ATP9B: variants seen among roughly 807,000 people sequenced by gnomAD.
ATP9B encodes probable phospholipid-transporting ATPase IIB.
In ATP9B, 110 loss-of-function variants were observed where a neutral mutation model predicts 146.1. The ratio of observed to expected loss-of-function variants is 0.75; its 90% confidence interval spans 0.65 to 0.88. ATP9B has a LOEUF of 0.88. ATP9B is among the 40% of genes least tolerant of loss of function. The pLI is 0.00. For synonymous variants in ATP9B, 604 were observed against 569.7 expected (o/e 1.06, Z -0.86); for missense variants, 1,499 against 1,496.4 (o/e 1.00, Z -0.03).
At chr18:79,165,910 T>TGA (rs2094957830) in intron 7 of ATP9B, among the ~76,000 whole-genome samples, 2 of 152,200 alleles carry the variant, frequency 1.3e-5, no homozygotes, top group African/African-American at 4.8e-5. Flanking sequence ...CCTGGGCTCC[T>TGA]GAGCATTGTA....
intron 6 of ATP9B, among the ~76,000 whole-genome samples, chr18:79,152,665 T>G (rs1314571964): frequency 6.6e-6 from 1 of 152,196 alleles, no homozygotes; most frequent in Non-Finnish European, 1.5e-5. Flanking sequence ...TTTTAGGCAT[T>G]TTATTGTTTT....
intron 11 of ATP9B, among the ~76,000 whole-genome samples, chr18:79,252,216 C>T (rs1239676811): frequency 6.6e-6 from 1 of 152,250 alleles, no homozygotes; most frequent in East Asian, 1.9e-4. Flanking sequence ...GCCACTGTGC[C>T]ATGCGCTCCC....
In ATP9B at chr18:79,099,895, G is replaced by A. The variant is rs568331818; in HGVS notation, c.293+3246G>A. ...TAATCCCAGCACTTTGGGAGGCTGAGGCAGGTGGATCACGAGGTCAAGAGA... is the reference window on the plus strand; with the variant it reads ...TAATCCCAGCACTTTGGGAGGCTGAAGCAGGTGGATCACGAGGTCAAGAGA... On this transcript the variant is annotated intron_variant, in intron 2 of 29. Coordinates refer to ENST00000426216, the MANE Select transcript of ATP9B (RefSeq NM_198531.5). Among the ~76,000 whole-genome samples, 6 of 152,252 alleles carry A rather than the reference G, an allele frequency of 3.9e-5. No individual in the cohort carries two copies. In the East Asian group the frequency reaches 1.2e-3, roughly 30 times the overall value.
At chr18:79,264,016 C>T (rs370744017) in intron 12 of ATP9B, among the ~76,000 whole-genome samples, 1 of 151,950 alleles carries the variant, frequency 6.6e-6, no homozygotes, top group Non-Finnish European at 1.5e-5. Context: ...ACCCGGAAGG[C>T]GGAGGTTGCA....
chr18:79,368,111 C>T (rs2097046424), intron 26 of ATP9B, among the ~76,000 whole-genome samples: 1 of 151,948 alleles, frequency 6.6e-6, no homozygotes, highest in African/African-American at 2.4e-5. Flanking sequence ...GCCGTGGCCC[C>T]GGGTGAGCTG....
At chr18:79,312,519 G>C (rs1473331864) in intron 15 of ATP9B, among the ~76,000 whole-genome samples, 2 of 152,174 alleles carry the variant, frequency 1.3e-5, no homozygotes, top group Non-Finnish European at 2.9e-5. Context: ...GTGTCTTCTG[G>C]GTGGGCATCC....
rs2095873680 is a variant in ATP9B, at chr18:79,239,949, GAT to G, written c.1108-13431_1108-13430del. 6.6e-6 allele frequency among the ~76,000 whole-genome samples: 1 copy of G among 152,202 alleles called. No individual in the cohort carries two copies. Among genetic ancestry groups the G allele is most frequent in the Non-Finnish European group, 1.5e-5 (1 of 68,040 alleles). On this transcript the variant is annotated intron_variant, in intron 11 of 29. Transcript: ENST00000426216. The surrounding 1 kb of genome is among the most constrained non-coding windows in gnomAD (Gnocchi z 5.1). ...GCGTCCCCATCAGCGGTGACCAGCAGATCACCACGCCTCAGGGGCCCCACACC... is the reference window on the plus strand; with the variant it reads ...GCGTCCCCATCAGCGGTGACCAGCAGCACCACGCCTCAGGGGCCCCACACC...
chr18:79,376,377 T>A (rs1355611499), intron 29 of ATP9B: 1 of 983,616 alleles, frequency 1.0e-6, no homozygotes, highest in East Asian at 1.1e-4. Flanking sequence ...GTGACATTAG[T>A]CATCTGCAAC....
intron 1 of ATP9B, among the ~76,000 whole-genome samples, chr18:79,073,558 A>C (rs1016524028): frequency 4.6e-5 from 7 of 152,330 alleles, no homozygotes; most frequent in African/African-American, 1.7e-4. Context: ...GGGAGGTTGC[A>C]GTGAGCCAAG....
intron 9 of ATP9B, among the ~76,000 whole-genome samples, chr18:79,199,153 G>A (rs745539679): frequency 1.1e-4 from 16 of 151,740 alleles, no homozygotes; most frequent in Non-Finnish European, 2.2e-4. Context: ...GGGTTTCACC[G>A]TGTTGGTCAG....
At chr18:79,328,052 C>CCG (rs2096769374) in intron 15 of ATP9B, among the ~76,000 whole-genome samples, 2 of 149,072 alleles carry the variant, frequency 1.3e-5, no homozygotes, top group Non-Finnish European at 1.5e-5. Context: ...AGCGTGCTCT[C>CCG]TCTGGTTAGC....
intron 12 of ATP9B, among the ~76,000 whole-genome samples, chr18:79,261,003 T>C (rs1379349532): frequency 6.6e-6 from 1 of 152,128 alleles, no homozygotes; most frequent in African/African-American, 2.4e-5. Flanking sequence ...TTTCACAGGG[T>C]CCACAGGTGG....
At chr18:79,072,958 G>A (rs186620217) in intron 1 of ATP9B, among the ~76,000 whole-genome samples, 39 of 151,858 alleles carry the variant, frequency 2.6e-4, no homozygotes, top group Admixed American at 7.9e-4. Flanking sequence ...GACGATGGGC[G>A]GCCGGGCAGA....
At chr18:79,365,614 C>T (rs2097022011) in intron 26 of ATP9B, among the ~76,000 whole-genome samples, 1 of 152,274 alleles carries the variant, frequency 6.6e-6, no homozygotes. Context: ...TGCCCTTCAG[C>T]CAGTGGGCAG....
chr18:79,270,548 T>C (rs2096244764), intron 12 of ATP9B, among the ~76,000 whole-genome samples: 1 of 152,196 alleles, frequency 6.6e-6, no homozygotes, highest in Non-Finnish European at 1.5e-5. Context: ...TATTCTTTTT[T>C]TCTCCTTTGT....
chr18:79,118,287 A>G (rs1468058455), intron 4 of ATP9B, among the ~76,000 whole-genome samples: 1 of 147,520 alleles, frequency 6.8e-6, no homozygotes, highest in Non-Finnish European at 1.5e-5. Context: ...ACTGCTGTTG[A>G]TTTTTTTCAT....
At chr18:79,094,013 G>T (rs1041693659) in intron 1 of ATP9B, among the ~76,000 whole-genome samples, 1 of 152,328 alleles carries the variant, frequency 6.6e-6, no homozygotes, top group East Asian at 1.9e-4. Context: ...ATATTGTGTT[G>T]TGGGATTCTG....
intron 5 of ATP9B, among the ~76,000 whole-genome samples, chr18:79,135,196 G>A (rs2094433483): frequency 6.6e-6 from 1 of 152,140 alleles, no homozygotes; most frequent in Non-Finnish European, 1.5e-5. Context: ...GGCCTTATGT[G>A]CACCAGAGCT....
At chr18:79,335,315 G>A (rs2096818034) in intron 17 of ATP9B, among the ~76,000 whole-genome samples, 1 of 152,208 alleles carries the variant, frequency 6.6e-6, no homozygotes, top group Non-Finnish European at 1.5e-5. Flanking sequence ...TGGGATGTGT[G>A]TCACTGGTAT....
Sources: gnomAD v4.1 joint callset for allele counts (sites outside exome capture counted in the v4.1 genomes callset) on GRCh38, gnomAD v4.1.1 for gene constraint, Gnocchi (gnomAD v3.1) non-coding constraint, MANE v1.5 for transcripts, NCBI Gene and HGNC (gene_info 2026-07-23, HGNC 2026-07-21) for gene names.